ILK: variants seen among roughly 807,000 people sequenced by gnomAD.
The protein encoded by ILK is integrin linked kinase.
In ILK, 37 loss-of-function variants were observed where a neutral mutation model predicts 57.8. That is an observed-to-expected ratio of 0.64 (90% confidence interval 0.49 to 0.84). ILK has a LOEUF of 0.84. ILK is among the 40% of genes least tolerant of loss of function. The probability of loss-of-function intolerance (pLI) is 0.00; values close to 1 mark genes in which losing one functional copy is unlikely to be tolerated. For missense variants in ILK, 528 were observed against 595.7 expected (o/e 0.89, Z 1.18); for synonymous variants, 231 against 202.2 (o/e 1.14, Z -1.21).
At chr11:6,604,118 C>T (rs1854577334) in intron 1 of ILK, 62 bp from the exon 2 acceptor site, 1 of 710,608 alleles carries the variant, frequency 1.4e-6, no homozygotes, top group Non-Finnish European at 2.5e-6. Flanking sequence ...TTCACAGACC[C>T]CCACTAGCCG....
chr11:6,604,633 G>C (rs1049239171), intron 2 of ILK: 2 of 566,922 alleles, frequency 3.5e-6, no homozygotes, highest in African/African-American at 1.9e-5. Context: ...ACAGAGCAGA[G>C]AGAACAGGAA....
rs1446758399 is a variant in ILK at position 6,608,936 on chromosome 11, A to G, written c.501A>G (p.Thr167=). The change falls in exon 6 of 13, where the codon ACA becomes ACG. Residue 167 remains threonine, a synonymous_variant. Transcript: ENST00000299421. This position sits in a 1 kb window ranked among gnomAD's most constrained non-coding sequence, Gnocchi z 4.9. The stretch of plus-strand genomic sequence containing the variant: ...TCAACCGTATTCCATACAAGGACAC[A>G]TTCTGGAAGGGGACCACCCGCACTC... The part of the protein sequence containing the change: ...QNLNRIPYKD[T]FWKGTTRTRP... 8 of 1,614,100 alleles carry G rather than the reference A, an allele frequency of 5.0e-6. No individual in the cohort carries two copies. Among genetic ancestry groups the G allele is most frequent in the Middle Eastern group, 1.6e-4 (1 of 6,084 alleles).
chr11:6,608,354 T>C lies in ILK; in HGVS notation c.256-40T>C, dbSNP rs775528722. The C allele has an allele frequency of 6.9e-6, 11 of 1,596,214 alleles. No homozygotes were observed. The African/African-American group carries it at 1.3e-4, about 19-fold the overall frequency. ...CCAGTATCTCATTTGGAACTGACTG[T>C]ACTTTCTGCCTCTTCTTTTTGTCTG... is the stretch of plus-strand genomic sequence containing the variant. On this transcript the variant is annotated intron_variant, in intron 3 of 12. Coordinates refer to ENST00000299421, the MANE Select transcript of ILK (RefSeq NM_004517.4). This position sits in a 1 kb window ranked among gnomAD's most constrained non-coding sequence, Gnocchi z 4.9.
In ILK at chr11:6,607,845, G is replaced by T. The variant is rs550568661; in HGVS notation, c.90-201G>T. On this transcript the variant is annotated intron_variant, in intron 2 of 12. Coordinates refer to ENST00000299421, the MANE Select transcript of ILK (RefSeq NM_004517.4). The stretch of plus-strand genomic sequence containing the variant: ...AACACATTTTTTTATAGAGGTTGTT[G>T]AGATATCTAGGTGGTTGGTTTGGTT... The T allele has an allele frequency of 3.0e-4, 179 of 597,612 alleles. No homozygotes were observed. The Middle Eastern group carries it at 3.1e-3, about 10-fold the overall frequency. 37.0% of individuals were successfully genotyped at this position (597,612 alleles called of 1,614,324 possible). A position where few individuals can be genotyped will look rare whatever the true frequency, so the allele number is the denominator to read the frequency against.
chr11:6,609,418 G>A lies in ILK; in HGVS notation c.728+10G>A. The A allele has an allele frequency of 6.2e-7, 1 of 1,613,654 alleles. No homozygotes were observed. Among genetic ancestry groups the A allele is most frequent in the Non-Finnish European group, 8.5e-7 (1 of 1,179,658 alleles). On this transcript the variant is annotated intron_variant, in intron 8 of 12. Transcript: ENST00000299421. ...AGTGTCCCCGGCTCAGGTAGTGCAA[G>A]GCGTAACCTGGAAGCTGCTAGTTCC...
In ILK at chr11:6,610,832, G is replaced by C; in HGVS notation, c.*221G>C. 6.7e-7 allele frequency: 1 copy of C among 1,491,960 alleles called. No homozygotes were observed. Among genetic ancestry groups the C allele is most frequent in the South Asian group, 1.2e-5 (1 of 86,690 alleles). 92.4% of individuals were successfully genotyped at this position (1,491,960 alleles called of 1,614,324 possible). Reference sequence around the variant, plus strand: ...ACATGGTGTCTCCCAACATGGGAGGGATCAGCCCCGCCTGTCACAATAAAG... The same window carrying C: ...ACATGGTGTCTCCCAACATGGGAGGCATCAGCCCCGCCTGTCACAATAAAG... On this transcript the variant is annotated 3_prime_UTR_variant, in exon 13 of 13. Transcript: ENST00000299421.
intron 11 of ILK, 26 bp from the exon 12 acceptor site, chr11:6,610,122 A>T: frequency 6.2e-7 from 1 of 1,614,232 alleles, no homozygotes; most frequent in South Asian, 1.1e-5. Flanking sequence ...CAAGGGGGCC[A>T]GAACAGACAA....
intron 2 of ILK, among the ~76,000 whole-genome samples, chr11:6,605,663 C>T (rs6578765): frequency 0.3 from 45,248 of 151,724 alleles, 7,081 homozygotes; most frequent in African/African-American, 0.39. Flanking sequence ...CCTCTTCCTA[C>T]CCGCCCCACT....
At chr11:6,605,445 G>A (rs4758441) in intron 2 of ILK, among the ~76,000 whole-genome samples, 48,789 of 150,850 alleles carry the variant, frequency 0.32, 8,479 homozygotes, top group African/African-American at 0.46. Context: ...GGTAGTCAAC[G>A]GCAGTACAGG....
At chr11:6,605,680 G>T (rs970683286) in intron 2 of ILK, among the ~76,000 whole-genome samples, 4 of 152,210 alleles carry the variant, frequency 2.6e-5, no homozygotes, top group Admixed American at 2.6e-4. Context: ...CACTCTGGTA[G>T]GCCCCAGTGT....
chr11:6,604,669 AG>A (rs1365489736), intron 2 of ILK: 2 of 512,086 alleles, frequency 3.9e-6, no homozygotes, highest in Non-Finnish European at 7.1e-6. Context: ...ATATGGCTGG[AG>A]GATAGATGAT....
chr11:6,610,325 T>C, intron 12 of ILK, 47 bp downstream of exon 12: 3 of 1,613,908 alleles, frequency 1.9e-6, no homozygotes, highest in East Asian at 2.2e-5. Flanking sequence ...TGGTTGGTGA[T>C]GGTGAAAATA....
At position 6,610,167 on chromosome 11, in the gene ILK, A is replaced by G; in HGVS notation, c.1098A>G (p.Glu366=). Residue 366 remains glutamate, a synonymous_variant, in exon 12 of 13, where the codon GAA becomes GAG. Coordinates refer to ENST00000299421, the MANE Select transcript of ILK (RefSeq NM_004517.4). ...VAPEALQKKP[E]DTNRRSADMW... ...CTCCAGCTCTGCAGAAGAAGCCTGAAGACACAAACAGACGCTCAGCAGACA... is the reference window on the plus strand; with the variant it reads ...CTCCAGCTCTGCAGAAGAAGCCTGAGGACACAAACAGACGCTCAGCAGACA... 1 of 1,614,266 alleles carries G rather than the reference A, an allele frequency of 6.2e-7. No individual in the cohort carries two copies. The highest frequency in any genetic ancestry group is 8.5e-7 in the Non-Finnish European group (1 of 1,180,052).
chr11:6,610,363 A>G, intron 12 of ILK, 85 bp downstream of exon 12: 1 of 1,613,112 alleles, frequency 6.2e-7, no homozygotes, highest in Non-Finnish European at 8.5e-7. Flanking sequence ...CTCCTCACAT[A>G]TTTGTTCGGA....
At position 6,610,574 on chromosome 11, in the gene ILK, T is replaced by G. The variant is rs1452306438; in HGVS notation, c.1322T>G (p.Met441Arg). ...CCTGCAAAGCGACCCAAATTTGACA[T>G]GATTGTGCCTATCCTTGAGAAGATG... Reference protein sequence around the residue: ...EDPAKRPKFDMIVPILEKMQD... With the variant: ...EDPAKRPKFDRIVPILEKMQD... Residue 441 changes from methionine (M) to arginine (R), a missense_variant, in exon 13 of 13, where the codon ATG becomes AGG. By Grantham distance (91) the Met-to-Arg change is moderately conservative. Transcript: ENST00000299421. 1 of 1,614,214 alleles carries G rather than the reference T, an allele frequency of 6.2e-7. No homozygotes were observed. Among genetic ancestry groups the G allele is most frequent in the Admixed American group, 1.7e-5 (1 of 60,034 alleles).
chr11:6,608,067 C>T lies in ILK; in HGVS notation c.111C>T (p.Pro37=), dbSNP rs1444626441. 4.3e-6 allele frequency: 7 copies of T among 1,614,036 alleles called. No individual in the cohort carries two copies. Among genetic ancestry groups the T allele is most frequent in the African/African-American group, 2.7e-5 (2 of 74,926 alleles). The part of the protein sequence containing the change: ...LNQGDDHGFS[P]LHWACREGRS... ...AAAGGGACGATCATGGCTTCTCCCC[C>T]TTGCACTGGGCCTGCCGAGAGGGCC... Residue 37 remains proline, a synonymous_variant, in exon 3 of 13, where the codon CCC becomes CCT. Transcript: ENST00000299421. This position sits in a 1 kb window ranked among gnomAD's most constrained non-coding sequence, Gnocchi z 4.9.
chr11:6,610,232 G>A lies in ILK; in HGVS notation c.1163G>A (p.Arg388Gln), dbSNP rs747548824. Residue 388 changes from arginine to glutamine, a missense_variant, in exon 12 of 13, where the codon CGG (arginine) becomes CAG (glutamine). Physicochemically the swap from Arg to Gln is conservative, Grantham distance 43 (BLOSUM62 1). Transcript: ENST00000299421. ...FAVLLWELVT[R>Q]EVPFADLSNM... ...GTGCTTCTGTGGGAACTGGTGACAC[G>A]GGAGGTACCCTTTGCTGACCTCTCC... 2.4e-5 allele frequency: 39 copies of A among 1,614,104 alleles called. No homozygotes were observed. The highest frequency in any genetic ancestry group is 2.8e-5 in the Non-Finnish European group (33 of 1,180,046).
At chr11:6,606,185 G>A (rs992339903) in intron 2 of ILK, 1 of 152,178 alleles carries the variant, frequency 6.6e-6, no homozygotes, top group African/African-American at 2.4e-5. Context: ...AAAAGAAAAA[G>A]AAAACAAAAG....
rs772513903 is a variant in ILK, at chr11:6,604,787, G to A, written c.89+427G>A. On this transcript the variant is annotated intron_variant, in intron 2 of 12. Transcript: ENST00000299421. ...TGCAAGCATATTTAGGCTATAAGAAGGTCTTTATTTTAAAAGCAAGGTTTT... is the reference window on the plus strand; with the variant it reads ...TGCAAGCATATTTAGGCTATAAGAAAGTCTTTATTTTAAAAGCAAGGTTTT... The A allele has an allele frequency of 4.1e-5, 19 of 464,234 alleles. No homozygotes were observed. The Middle Eastern group carries it at 9.9e-4, about 24-fold the overall frequency. The allele number at this position is 464,234 out of a possible 1,614,324, so 28.8% of individuals were successfully genotyped here.
Sources: allele counts gnomAD v4.1 joint callset (sites outside exome capture counted in the v4.1 genomes callset), GRCh38; gene constraint gnomAD v4.1.1; non-coding constraint Gnocchi (gnomAD v3.1); transcripts MANE v1.5; gene names NCBI Gene and HGNC (gene_info 2026-07-23, HGNC 2026-07-21).